Variants in BCR observed in about 807,000 individuals in gnomAD.
The protein encoded by BCR is breakpoint cluster region protein.
Under a neutral mutation model 138.6 loss-of-function variants are expected in BCR, and 58 were observed. The observed-to-expected ratio is 0.42, with a 90% CI of 0.34 to 0.52. The LOEUF (loss-of-function observed/expected upper bound fraction) is 0.52. Among genes scored for constraint, BCR ranks in the 20% least tolerant of loss-of-function variants. The probability of loss-of-function intolerance (pLI) is 0.06; values close to 1 mark genes in which losing one functional copy is unlikely to be tolerated. For missense variants in BCR, 1,599 were observed against 1,727.2 expected, an observed-to-expected ratio of 0.93 and a Z score of 1.32; for synonymous variants, 786 against 730.1, an observed-to-expected ratio of 1.08 and a Z score of -1.23.
intron 5 of BCR, among the ~76,000 whole-genome samples, chr22:23,270,611 C>A (rs1187014584): frequency 6.6e-6 from 1 of 152,236 alleles, no homozygotes; most frequent in Non-Finnish European, 1.5e-5. Flanking sequence ...AAGTGCATGG[C>A]AGCGTTTGGC....
chr22:23,314,302 C>T (rs1489307051), intron 21 of BCR, among the ~76,000 whole-genome samples: 2 of 152,202 alleles, frequency 1.3e-5, no homozygotes, highest in Admixed American at 6.5e-5. Context: ...GAGCTTTGGC[C>T]GTGGCCAGCA....
At chr22:23,237,229 T>C (rs2073036942) in intron 1 of BCR, among the ~76,000 whole-genome samples, 1 of 152,190 alleles carries the variant, frequency 6.6e-6, no homozygotes, top group South Asian at 2.1e-4. Context: ...CAGGATCTGC[T>C]CATTTGGCTG....
intron 1 of BCR, among the ~76,000 whole-genome samples, chr22:23,250,482 C>A (rs2073212009): frequency 6.6e-6 from 1 of 152,186 alleles, no homozygotes; most frequent in African/African-American, 2.4e-5. Flanking sequence ...GCTTTGCTGG[C>A]CCGACCAAAA....
At chr22:23,242,922 C>T (rs554722394) in intron 1 of BCR, 10 of 455,476 alleles carry the variant, frequency 2.2e-5, no homozygotes, top group Non-Finnish European at 2.6e-5. Flanking sequence ...TGATGGCCCA[C>T]GGCATTCCTC....
intron 5 of BCR, among the ~76,000 whole-genome samples, chr22:23,269,056 T>C (rs901022206): frequency 9.2e-5 from 14 of 152,248 alleles, no homozygotes; most frequent in African/African-American, 3.4e-4. Context: ...GAGAGGCTGC[T>C]GACTCCCTGC....
At chr22:23,242,745 G>C in intron 1 of BCR, 2 of 393,056 alleles carry the variant, frequency 5.1e-6, no homozygotes, top group Non-Finnish European at 1.0e-5. Flanking sequence ...CCATGTCTTA[G>C]TGTCCTGTGG....
chr22:23,208,149 C>T (rs749643447), intron 1 of BCR, among the ~76,000 whole-genome samples: 14 of 152,198 alleles, frequency 9.2e-5, no homozygotes, highest in Non-Finnish European at 1.6e-4. Context: ...GTTGGTACCC[C>T]GTGAGGCTTG....
At chr22:23,255,163 C>T (rs950048905) in intron 2 of BCR, among the ~76,000 whole-genome samples, 1 of 152,306 alleles carries the variant, frequency 6.6e-6, no homozygotes, top group African/African-American at 2.4e-5. Flanking sequence ...AGCTGCACGC[C>T]TGGGACTGCT....
At chr22:23,208,645 G>A (rs969753602) in intron 1 of BCR, among the ~76,000 whole-genome samples, 1 of 152,118 alleles carries the variant, frequency 6.6e-6, no homozygotes, top group Admixed American at 6.5e-5. Flanking sequence ...CTGAAGTCAG[G>A]AGTTCAAGAC....
chr22:23,270,999 G>A (rs1232206026), intron 5 of BCR, among the ~76,000 whole-genome samples: 2 of 152,368 alleles, frequency 1.3e-5, no homozygotes, highest in East Asian at 3.9e-4. Flanking sequence ...CTCCAAAGAT[G>A]GGTGCTCTTC....
At chr22:23,287,637 C>T (rs1046633747) in intron 11 of BCR, among the ~76,000 whole-genome samples, 1 of 152,224 alleles carries the variant, frequency 6.6e-6, no homozygotes, top group Non-Finnish European at 1.5e-5. Context: ...CCATCTGTAA[C>T]CTGGGCCTCT....
chr22:23,237,993 T>C (rs2073045405), intron 1 of BCR, among the ~76,000 whole-genome samples: 1 of 152,190 alleles, frequency 6.6e-6, no homozygotes, highest in Non-Finnish European at 1.5e-5. Context: ...TGACAAGTGA[T>C]GCTTGTGCTT....
chr22:23,281,311 C>T (rs1270733204), intron 8 of BCR, among the ~76,000 whole-genome samples: 2 of 152,242 alleles, frequency 1.3e-5, no homozygotes, highest in Non-Finnish European at 2.9e-5. Context: ...ACAGTGGTTT[C>T]CAGCCACGTG....
intron 4 of BCR, chr22:23,263,499 G>A (rs2073397809): frequency 6.4e-7 from 1 of 1,568,200 alleles, no homozygotes. Flanking sequence ...GCAGCTAGAG[G>A]ATGATGCTTT....
intron 16 of BCR, among the ~76,000 whole-genome samples, chr22:23,305,312 C>T (rs910435599): frequency 5.9e-5 from 9 of 152,258 alleles, no homozygotes; most frequent in African/African-American, 2.2e-4. Context: ...CCCTGCTGGA[C>T]CATCCAGGCT....
At chr22:23,197,626 G>A (rs976213760) in intron 1 of BCR, among the ~76,000 whole-genome samples, 12 of 152,258 alleles carry the variant, frequency 7.9e-5, no homozygotes, top group African/African-American at 2.9e-4. Context: ...GAGAGTTGGG[G>A]TCATCCTATG....
At position 23,181,872 on chromosome 22, in the gene BCR, G is replaced by C; in HGVS notation, c.912G>C (p.Glu304Asp). The C allele has an allele frequency of 6.2e-7, 1 of 1,613,270 alleles. No individual in the cohort carries two copies. Among genetic ancestry groups the C allele is most frequent in the Non-Finnish European group, 8.5e-7 (1 of 1,179,952 alleles). Residue 304 changes from glutamate (E) to aspartate (D), a missense_variant, in exon 1 of 23, where the codon GAG becomes GAC. Physicochemically the swap from Glu to Asp is conservative, Grantham distance 45. This residue lies in a region of BCR where 806 missense variants were observed against 635.0 expected (regional missense o/e 1.27). Transcript: ENST00000305877. ...GPLLRSQSTS[E>D]QEKRLTWPRR... ...TCCTGCGCAGCCAGAGCACCTCTGA[G>C]CAGGAGAAGCGCCTTACCTGGCCCC...
intron 16 of BCR, among the ~76,000 whole-genome samples, chr22:23,304,099 ATTTTTTTTTTTTTT>A (rs56805241): frequency 3.9e-5 from 4 of 102,210 alleles, no homozygotes; most frequent in Admixed American, 1.0e-4. Flanking sequence ...ATGCCAGGCT[ATTTTTTTTTTTTTT>A]TTTTTTTTTT....
intron 21 of BCR, 66 bp from the exon 22 acceptor site, chr22:23,314,486 C>G (rs1293385103): frequency 1.3e-6 from 2 of 1,577,032 alleles, no homozygotes; most frequent in African/African-American, 2.7e-5. Context: ...CCAGCACAGC[C>G]CAGCCCCTCT....
Sources: allele counts gnomAD v4.1 joint callset (sites outside exome capture counted in the v4.1 genomes callset), GRCh38; gene constraint gnomAD v4.1.1; regional missense constraint gnomAD v4.1.1; transcripts MANE v1.5; gene names NCBI Gene and HGNC (gene_info 2026-07-23, HGNC 2026-07-21).